Variants in RGS7 observed in about 807,000 individuals in gnomAD.
RGS7 encodes regulator of G protein signaling 7, also known as regulator of G-protein signaling 7.
A neutral mutation model predicts 81.1 loss-of-function variants in RGS7; 27 were observed. The observed-to-expected ratio is 0.33, with a 90% CI of 0.25 to 0.46. The LOEUF (loss-of-function observed/expected upper bound fraction) is 0.46. RGS7 is among the 20% of genes least tolerant of loss of function. The pLI, the probability that RGS7 is intolerant of heterozygous loss-of-function variation, is 1.00. For synonymous variants in RGS7, 208 were observed against 207.7 expected, an observed-to-expected ratio of 1.00 and a Z score of -0.01; for missense variants, 396 against 607.4, an observed-to-expected ratio of 0.65 and a Z score of 3.66.
intron 4 of RGS7, among the ~76,000 whole-genome samples, chr1:240,977,780 T>G (rs1266117116): frequency 6.6e-6 from 1 of 152,176 alleles, no homozygotes; most frequent in Admixed American, 6.5e-5. Flanking sequence ...TTCACTGTAG[T>G]ACATCAACAG....
At chr1:240,832,540 T>C (rs1201646018) in intron 9 of RGS7, among the ~76,000 whole-genome samples, 2 of 152,218 alleles carry the variant, frequency 1.3e-5, no homozygotes, top group Non-Finnish European at 2.9e-5. Flanking sequence ...GAGTTTTTGG[T>C]TTCATTATTG....
intron 9 of RGS7, among the ~76,000 whole-genome samples, chr1:240,851,026 A>G (rs1458109288): frequency 6.6e-6 from 1 of 152,228 alleles, no homozygotes; most frequent in Non-Finnish European, 1.5e-5. Flanking sequence ...GTTGATGGAG[A>G]AGCTGCAGCA....
intron 2 of RGS7, among the ~76,000 whole-genome samples, chr1:241,346,972 T>G (rs1434074437): frequency 3.9e-5 from 6 of 152,172 alleles, no homozygotes; most frequent in Non-Finnish European, 8.8e-5. Flanking sequence ...GAATCTATTC[T>G]CTCTACATGG....
chr1:241,217,412 A>G, intron 2 of RGS7, among the ~76,000 whole-genome samples: 1 of 152,200 alleles, frequency 6.6e-6, no homozygotes, highest in East Asian at 1.9e-4. Flanking sequence ...AGTTGGGGTC[A>G]CTTAAAACTA....
At chr1:241,268,771 A>G (rs893559043) in intron 2 of RGS7, among the ~76,000 whole-genome samples, 1 of 152,150 alleles carries the variant, frequency 6.6e-6, no homozygotes, top group African/African-American at 2.4e-5. Context: ...CACTGAGTTC[A>G]GCTTTGTCCC....
At chr1:241,282,951 T>C (rs993992957) in intron 2 of RGS7, among the ~76,000 whole-genome samples, 17 of 152,226 alleles carry the variant, frequency 1.1e-4, no homozygotes, top group African/African-American at 3.1e-4. Context: ...CGGTTCTTTA[T>C]AGAAGTAATA....
chr1:241,298,010 A>G (rs938096065), intron 2 of RGS7, among the ~76,000 whole-genome samples: 3 of 152,198 alleles, frequency 2.0e-5, no homozygotes, highest in Admixed American at 2.0e-4. Context: ...GCAAATCAAT[A>G]TATTAATACT....
chr1:240,928,966 T>C (rs1023535364), intron 6 of RGS7, among the ~76,000 whole-genome samples: 1 of 152,208 alleles, frequency 6.6e-6, no homozygotes, highest in African/African-American at 2.4e-5. Context: ...GCAATAATGA[T>C]GACAAGCACA....
At chr1:241,213,867 C>T (rs1025574445) in intron 2 of RGS7, among the ~76,000 whole-genome samples, 3 of 152,118 alleles carry the variant, frequency 2.0e-5, no homozygotes, top group East Asian at 1.9e-4. Flanking sequence ...CAAGCTTAAG[C>T]GATCCTCCCA....
At chr1:240,808,301 T>C (rs77515744) in intron 14 of RGS7, among the ~76,000 whole-genome samples, 1 of 152,064 alleles carries the variant, frequency 6.6e-6, no homozygotes, top group East Asian at 1.9e-4. Flanking sequence ...CTGGGGCAAG[T>C]GCTGGATTGG....
intron 3 of RGS7, among the ~76,000 whole-genome samples, chr1:240,986,226 A>G (rs1446298463): frequency 6.6e-6 from 1 of 152,138 alleles, no homozygotes; most frequent in Non-Finnish European, 1.5e-5. Context: ...GAATCCTAGC[A>G]GTATATTATT....
At chr1:240,966,845 C>T (rs2148493434) in intron 4 of RGS7, among the ~76,000 whole-genome samples, 1 of 152,246 alleles carries the variant, frequency 6.6e-6, no homozygotes, top group South Asian at 2.1e-4. Flanking sequence ...GAAATGTCTC[C>T]TATATTGTTA....
intron 2 of RGS7, among the ~76,000 whole-genome samples, chr1:241,303,656 G>A (rs2079908575): frequency 6.6e-6 from 1 of 152,140 alleles, no homozygotes; most frequent in African/African-American, 2.4e-5. Context: ...CTCTGTGACT[G>A]TTTGATATCC....
intron 4 of RGS7, among the ~76,000 whole-genome samples, chr1:240,978,301 A>G (rs894143433): frequency 6.6e-6 from 1 of 152,256 alleles, no homozygotes; most frequent in African/African-American, 2.4e-5. Context: ...CATAAAGATT[A>G]TAATAGTATC....
intron 4 of RGS7, among the ~76,000 whole-genome samples, chr1:240,946,094 T>C (rs953614555): frequency 3.9e-5 from 6 of 152,220 alleles, no homozygotes; most frequent in African/African-American, 1.4e-4. Flanking sequence ...ATAAACAATT[T>C]GATTGTAATT....
In RGS7 at chr1:241,139,108, A is replaced by G. The variant is rs144942409; in HGVS notation, c.79-40346T>C. Among the ~76,000 whole-genome samples, 821 of 152,102 alleles carry G rather than the reference A, an allele frequency of 5.4e-3. 11 individuals carry two copies. The highest frequency in any genetic ancestry group is 0.019 in the African/African-American group (792 of 41,504). On this transcript the variant is annotated intron_variant, in intron 2 of 18. Coordinates refer to ENST00000440928, the MANE Select transcript of RGS7 (RefSeq NM_001364886.1). ...GCAGATTTTTTTTTTAGGTTCATCT[A>G]TGTTGTAGCATGCGTCAGTAGATTG...
intron 9 of RGS7, among the ~76,000 whole-genome samples, chr1:240,847,164 C>G (rs1164926598): frequency 6.6e-6 from 1 of 152,208 alleles, no homozygotes; most frequent in Non-Finnish European, 1.5e-5. Flanking sequence ...CAGTTCATAG[C>G]TATCTGCTAA....
chr1:241,135,393 C>G (rs1419459990), intron 2 of RGS7, among the ~76,000 whole-genome samples: 1 of 152,138 alleles, frequency 6.6e-6, no homozygotes, highest in African/African-American at 2.4e-5. Flanking sequence ...CGCCCCTGCA[C>G]TCCAGCCTGG....
chr1:240,882,886 C>T (rs909317476), intron 6 of RGS7, among the ~76,000 whole-genome samples: 2 of 152,116 alleles, frequency 1.3e-5, no homozygotes, highest in Non-Finnish European at 2.9e-5. Context: ...ATTTAATTTA[C>T]CCTTTCGTTT....
Sources: gnomAD v4.1 joint callset for allele counts (sites outside exome capture counted in the v4.1 genomes callset) on GRCh38, gnomAD v4.1.1 for gene constraint, MANE v1.5 for transcripts, NCBI Gene and HGNC (gene_info 2026-07-23, HGNC 2026-07-21) for gene names.